The following TBC1D25 variants were observed in gnomAD, a reference collection of about 807,000 sequenced individuals.
The protein encoded by TBC1D25 is 5SN3 snoRNA.
Under a neutral mutation model 38.8 loss-of-function variants are expected in TBC1D25, and 13 were observed. That is an observed-to-expected ratio of 0.34 (90% confidence interval 0.22 to 0.53). The LOEUF (loss-of-function observed/expected upper bound fraction) is 0.53, where lower values mean the gene tolerates loss of function less well. Among genes scored for constraint, TBC1D25 ranks in the 20% least tolerant of loss-of-function variants. The pLI is 0.94. For synonymous variants in TBC1D25, 225 were observed against 255.6 expected, an observed-to-expected ratio of 0.88 and a Z score of 1.14; for missense variants, 372 against 600.0, an observed-to-expected ratio of 0.62 and a Z score of 3.97.
At chrX:48,559,476 G>A (rs1487628539) in intron 5 of TBC1D25, 130 bp downstream of exon 5, 38 of 1,077,863 alleles carry the variant, frequency 3.5e-5, no homozygotes, top group Non-Finnish European at 4.1e-5. Flanking sequence ...TCTCTTTAAG[G>A]AGGGGCGAGC....
chrX:48,542,341 T>C (rs782223352), intron 2 of TBC1D25, among the ~76,000 whole-genome samples: 2 of 107,161 alleles, frequency 1.9e-5, no homozygotes, highest in African/African-American at 6.8e-5. Context: ...CTAATTTTTG[T>C]ATTTTTATTA....
At chrX:48,556,302 T>C (rs2061974191) in intron 3 of TBC1D25, among the ~76,000 whole-genome samples, 1 of 111,415 alleles carries the variant, frequency 9.0e-6, no homozygotes, top group Non-Finnish European at 1.9e-5. Flanking sequence ...TGCAAACATA[T>C]TGTTAACAAG....
intron 3 of TBC1D25, 27 bp downstream of exon 3, chrX:48,545,050 C>T: frequency 8.3e-7 from 1 of 1,206,746 alleles, no homozygotes; most frequent in Non-Finnish European, 1.1e-6. Context: ...CCCAGGAGCA[C>T]TGCTCTGGAA....
intron 3 of TBC1D25, among the ~76,000 whole-genome samples, chrX:48,550,817 G>A (rs991781134): frequency 9.0e-5 from 10 of 110,651 alleles, no homozygotes; most frequent in Non-Finnish European, 1.1e-4. Context: ...TCGCCACCAC[G>A]CCCGGCTAAT....
intron 3 of TBC1D25, 70 bp from the exon 4 acceptor site, chrX:48,558,827 G>GGA: frequency 8.5e-7 from 1 of 1,182,473 alleles, no homozygotes. Context: ...TTCAGTAGAA[G>GGA]GAGAGGAAGC....
chrX:48,558,137 C>T (rs1239725377), intron 3 of TBC1D25, among the ~76,000 whole-genome samples: 2 of 106,832 alleles, frequency 1.9e-5, no homozygotes, highest in Admixed American at 1.0e-4. Context: ...AAAGCATATA[C>T]GGCATACCTG....
chrX:48,547,848 GA>G (rs1447644489), intron 3 of TBC1D25, among the ~76,000 whole-genome samples: 1 of 105,176 alleles, frequency 9.5e-6, no homozygotes, highest in African/African-American at 3.5e-5. Context: ...TGAGGCAGGA[GA>G]ATTGCTTGAG....
chrX:48,550,673 T>C (rs1209880862), intron 3 of TBC1D25, among the ~76,000 whole-genome samples: 1 of 106,581 alleles, frequency 9.4e-6, no homozygotes, highest in Non-Finnish European at 1.9e-5. Flanking sequence ...TTTTTTTTTT[T>C]TTTGGAGATG....
chrX:48,541,305 T>C, intron 1 of TBC1D25, 28 bp from the exon 2 acceptor site: 1 of 1,198,923 alleles, frequency 8.3e-7, no homozygotes, highest in Non-Finnish European at 1.1e-6. Context: ...GGGCCCCTGG[T>C]GGCCTACCCC....
Position 48,539,848 on chromosome X carries a change from G to A in TBC1D25, c.51G>A (p.Pro17=). 7 of 970,146 alleles carry A rather than the reference G, an allele frequency of 7.2e-6. No individual in the cohort carries two copies. The highest frequency in any genetic ancestry group is 9.1e-6 in the Non-Finnish European group (7 of 770,183). The allele number at this position is 970,146 out of a possible 1,213,427, so 80.0% of individuals were successfully genotyped here. A position where few individuals can be genotyped will look rare whatever the true frequency, so the allele number is the denominator to read the frequency against. Residue 17 remains proline (P), a synonymous_variant, in exon 1 of 6, where the codon CCG becomes CCA. Transcript: ENST00000376771. ...ACTTGTCTGGCTCCGGAGCGCCCCC[G>A]CCCGGTGTGGGAGCTCAGGCGGCGG... is the stretch of plus-strand genomic sequence containing the variant. The part of the protein sequence containing the change: ...ASDLSGSGAP[P]PGVGAQAAAA...
intron 3 of TBC1D25, among the ~76,000 whole-genome samples, chrX:48,547,426 C>T: frequency 8.9e-6 from 1 of 111,913 alleles, no homozygotes. Context: ...ACTGAGTAGC[C>T]ATATGTGCTT....
intron 2 of TBC1D25, among the ~76,000 whole-genome samples, chrX:48,542,410 T>C (rs903997853): frequency 1.8e-5 from 2 of 109,678 alleles, no homozygotes; most frequent in African/African-American, 6.6e-5. Flanking sequence ...TCAAGTTACC[T>C]GTCCACCTCG....
At position 48,560,290 on chromosome X, in the gene TBC1D25, G is replaced by A. The variant is rs1419297706; in HGVS notation, c.1382G>A (p.Arg461Lys). ...QVADAGFGGH[R>K]GWPVRQRHML... ...GCAGACGCTGGTTTTGGTGGCCACA[G>A]GGGGTGGCCCGTGCGACAGAGGCAC... Residue 461 changes from arginine to lysine, a missense_variant, in exon 6 of 6, where the codon AGG becomes AAG. Coordinates refer to ENST00000376771, the MANE Select transcript of TBC1D25 (RefSeq NM_002536.4). The A allele has an allele frequency of 8.3e-7, 1 of 1,209,580 alleles. No homozygotes were observed. The highest frequency in any genetic ancestry group is 1.1e-6 in the Non-Finnish European group (1 of 894,928).
chrX:48,553,616 CT>C (rs1209605714), intron 3 of TBC1D25, among the ~76,000 whole-genome samples: 16,506 of 52,903 alleles, frequency 0.31, 1,560 homozygotes, highest in African/African-American at 0.43. Flanking sequence ...TTTTCTTTTT[CT>C]TTTTTTTTTT....
rs1254875722 is a variant in TBC1D25, at chrX:48,559,958, T to C, written c.1050T>C (p.His350=). ...PILAVMDHEG[H]AFVCFCGIMK... ...TCGCTGTCATGGACCATGAGGGCCA[T>C]GCCTTTGTTTGCTTTTGTGGCATCA... Residue 350 remains histidine, a synonymous_variant, in exon 6 of 6, where the codon CAT becomes CAC. Transcript: ENST00000376771. 8.3e-7 allele frequency: 1 copy of C among 1,211,471 alleles called. No homozygotes were observed.
chrX:48,545,820 G>A (rs1455860561), intron 3 of TBC1D25, among the ~76,000 whole-genome samples: 1 of 112,012 alleles, frequency 8.9e-6, no homozygotes, highest in Non-Finnish European at 1.9e-5. Flanking sequence ...AGATCAAGGT[G>A]CTGGCAGGTT....
intron 2 of TBC1D25, 50 bp downstream of exon 2, chrX:48,541,492 G>A: frequency 9.0e-7 from 1 of 1,109,506 alleles, no homozygotes; most frequent in Non-Finnish European, 1.2e-6. Flanking sequence ...GACCTCTACA[G>A]TGGCTATCTG....
At chrX:48,547,180 T>C (rs1556982024) in intron 3 of TBC1D25, among the ~76,000 whole-genome samples, 1 of 112,286 alleles carries the variant, frequency 8.9e-6, no homozygotes, top group Non-Finnish European at 1.9e-5. Flanking sequence ...GTCCCAGTTA[T>C]ACAGACAGTA....
chrX:48,544,837 G>T (rs1253316467), intron 2 of TBC1D25, 32 bp from the exon 3 acceptor site: 7 of 1,204,799 alleles, frequency 5.8e-6, no homozygotes, highest in Non-Finnish European at 6.7e-6. Context: ...GGCACCAGGG[G>T]CCCTGAGAGC....
Sources: gnomAD v4.1 joint callset for allele counts (sites outside exome capture counted in the v4.1 genomes callset) on GRCh38, gnomAD v4.1.1 for gene constraint, MANE v1.5 for transcripts, NCBI Gene and HGNC (gene_info 2026-07-23, HGNC 2026-07-21) for gene names.